Variants in MLF2 observed in about 807,000 individuals in gnomAD.
MLF2 encodes the protein myelodysplasia-myeloid leukemia factor 2.
Under a neutral mutation model 31.4 loss-of-function variants are expected in MLF2, and 12 were observed. The observed-to-expected ratio is 0.38, with a 90% confidence interval of 0.24 to 0.62. MLF2 has a LOEUF of 0.62. Among genes scored for constraint, MLF2 ranks in the 20% least tolerant of loss-of-function variants. MLF2 has a pLI of 0.58. For missense variants in MLF2, 272 were observed against 359.7 expected (o/e 0.76, Z 1.97); for synonymous variants, 109 against 118.8 (o/e 0.92, Z 0.54).
rs2302370 is a variant in MLF2, at chr12:6,750,142, T to C, written c.399+35A>G. The C allele has an allele frequency of 0.38, 616,214 of 1,613,638 alleles. 121,044 individuals are homozygous for C. Among genetic ancestry groups the C allele is most frequent in the African/African-American group, 0.5 (37,273 of 74,948 alleles). ...GGTTTCTGGCGGTGCCGCTCAATCC[T>C]ACCTTCTCTGGGACAGGAGGGCTCC... On this transcript the variant is annotated intron_variant, in intron 6 of 8. Coordinates refer to ENST00000203630, the MANE Select transcript of MLF2 (RefSeq NM_001382226.1). This position sits in a 1 kb window ranked among gnomAD's most constrained non-coding sequence, Gnocchi z 5.3.
chr12:6,748,707 G>T lies in MLF2; in HGVS notation c.*25+63C>A. 1 of 1,302,438 alleles carries T rather than the reference G, an allele frequency of 7.7e-7. No homozygotes were observed. Among genetic ancestry groups the T allele is most frequent in the Non-Finnish European group, 1.0e-6 (1 of 971,898 alleles). 80.7% of individuals were successfully genotyped at this position (1,302,438 alleles called of 1,614,324 possible). A position where few individuals can be genotyped will look rare whatever the true frequency, so the allele number is the denominator to read the frequency against. On this transcript the variant is annotated intron_variant, in intron 8 of 8. Transcript: ENST00000203630. The surrounding 1 kb of genome is among the most constrained non-coding windows in gnomAD (Gnocchi z 4.6). ...CAGCTCCTGCGGGAGCCTGAACTGAGCCTGCCTTGCAGCCGAGGACCGTCC... is the reference window on the plus strand; with the variant it reads ...CAGCTCCTGCGGGAGCCTGAACTGATCCTGCCTTGCAGCCGAGGACCGTCC...
In MLF2 at chr12:6,749,905, G is replaced by C; in HGVS notation, c.502C>G (p.Arg168Gly). ...TCCTGGTCCCCCGTGCGATGGTTTC[G>C]GGAGCGCTGGAGGATGTGAGCCCTG... ...RDRAHILQRSRNHRTGDQEER... is the reference protein window; with the variant it reads ...RDRAHILQRSGNHRTGDQEER... The change falls in exon 7 of 9, where the codon CGA becomes GGA. Residue 168 changes from arginine (R) to glycine (G), a missense_variant. Arg to Gly is a moderately radical substitution (Grantham distance 125, BLOSUM62 -2). Coordinates refer to ENST00000203630, the MANE Select transcript of MLF2 (RefSeq NM_001382226.1). This position sits in a 1 kb window ranked among gnomAD's most constrained non-coding sequence, Gnocchi z 5.3. The C allele has an allele frequency of 1.2e-6, 2 of 1,614,108 alleles. No individual in the cohort carries two copies. The highest frequency in any genetic ancestry group is 1.7e-6 in the Non-Finnish European group (2 of 1,180,018).
In MLF2 at chr12:6,749,044, G is replaced by C. The variant is rs1346308704; in HGVS notation, c.560-62C>G. 4.1e-6 allele frequency: 6 copies of C among 1,462,358 alleles called. No homozygotes were observed. The East Asian group carries it at 1.4e-4, about 35-fold the overall frequency. 90.6% of individuals were successfully genotyped at this position (1,462,358 alleles called of 1,614,324 possible). On this transcript the variant is annotated intron_variant, in intron 7 of 8. Coordinates refer to ENST00000203630, the MANE Select transcript of MLF2 (RefSeq NM_001382226.1). This position sits in a 1 kb window ranked among gnomAD's most constrained non-coding sequence, Gnocchi z 5.3. Reference sequence around the variant, plus strand: ...GCCTGGCTCCTGGAGGCCGATGTGCGAGCGAGCCACAGCTTTTCGGGCCAA... The same window carrying C: ...GCCTGGCTCCTGGAGGCCGATGTGCCAGCGAGCCACAGCTTTTCGGGCCAA...
chr12:6,751,839 G>A, intron 3 of MLF2, 86 bp downstream of exon 3: 2 of 1,584,272 alleles, frequency 1.3e-6, no homozygotes, highest in Non-Finnish European at 1.7e-6. Context: ...CACTTGCTCA[G>A]TTGGCTGTAG....
chr12:6,748,740 C>T lies in MLF2; in HGVS notation c.*25+30G>A. On this transcript the variant is annotated intron_variant, in intron 8 of 8. Transcript: ENST00000203630. The surrounding 1 kb of genome is among the most constrained non-coding windows in gnomAD (Gnocchi z 4.6). ...TGCAGCCGAGGACCGTCCGCAGGTG[C>T]ACCCCACCCTCCTTACTCCTGATAC... 2.1e-6 allele frequency: 3 copies of T among 1,450,278 alleles called. No individual in the cohort carries two copies. The highest frequency in any genetic ancestry group is 2.7e-6 in the Non-Finnish European group (3 of 1,100,368). 89.8% of individuals were successfully genotyped at this position (1,450,278 alleles called of 1,614,324 possible). A position where few individuals can be genotyped will look rare whatever the true frequency, so the allele number is the denominator to read the frequency against.
Position 6,750,746 on chromosome 12 carries a change from CA to C in MLF2, c.236del (p.Met79SerfsTer4), listed in dbSNP as rs775718947. 1 of 1,614,134 alleles carries C rather than the reference CA, an allele frequency of 6.2e-7. No individual in the cohort carries two copies. Among genetic ancestry groups the C allele is most frequent in the Non-Finnish European group, 8.5e-7 (1 of 1,180,006 alleles). The part of the protein sequence containing the change: ...MLGMSGGFMD[M>X]FGMMNDMIGN... ...CAATCATGTCATTCATCATCCCAAA[CA>C]TGTCCATGAAACCACCCGACTGGAG... On this transcript the variant is annotated frameshift_variant, in exon 5 of 9. Coordinates refer to ENST00000203630, the MANE Select transcript of MLF2 (RefSeq NM_001382226.1). LOFTEE classifies it high-confidence loss of function. The surrounding 1 kb of genome is among the most constrained non-coding windows in gnomAD (Gnocchi z 5.3).
At position 6,752,267 on chromosome 12, in the gene MLF2, G is replaced by A. The variant is rs1028856075; in HGVS notation, c.50+18C>T. 3.2e-6 allele frequency: 5 copies of A among 1,559,074 alleles called. No individual in the cohort carries two copies. The African/African-American group carries it at 4.1e-5, about 13-fold the overall frequency. Reference sequence around the variant, plus strand: ...AGAGACCTGGAGTGGGAGAGCTTGAGGGGGAGGGAATACTCACATCAGGAA... The same window carrying A: ...AGAGACCTGGAGTGGGAGAGCTTGAAGGGGAGGGAATACTCACATCAGGAA... On this transcript the variant is annotated intron_variant, in intron 2 of 8. Transcript: ENST00000203630. The surrounding 1 kb of genome is among the most constrained non-coding windows in gnomAD (Gnocchi z 4.6).
At chr12:6,751,748 G>A (rs1455672240) in intron 3 of MLF2, 72 bp from the exon 4 acceptor site, 3 of 1,591,764 alleles carry the variant, frequency 1.9e-6, no homozygotes, top group Non-Finnish European at 2.6e-6. Context: ...CCAGGCCCAT[G>A]GCCTCAATTT....
chr12:6,750,244 G>C lies in MLF2; in HGVS notation c.332C>G (p.Ser111Cys). 6.2e-7 allele frequency: 1 copy of C among 1,614,208 alleles called. No individual in the cohort carries two copies. The highest frequency in any genetic ancestry group is 1.7e-5 in the Admixed American group (1 of 60,024). The change falls in exon 6 of 9, where the codon TCC (serine) becomes TGC (cysteine). Residue 111 changes from serine to cysteine, a missense_variant. Coordinates refer to ENST00000203630, the MANE Select transcript of MLF2 (RefSeq NM_001382226.1). The surrounding 1 kb of genome is among the most constrained non-coding windows in gnomAD (Gnocchi z 5.3). ...TFSSSTVISY[S>C]NTGDGAPKVY... ...CTTGGGGGCACCATCACCCGTATTGGAGTAGGAGATGACAGTGGAAGATGA... is the reference window on the plus strand; with the variant it reads ...CTTGGGGGCACCATCACCCGTATTGCAGTAGGAGATGACAGTGGAAGATGA...
Position 6,750,463 on chromosome 12 carries a change from G to C in MLF2, c.271-158C>G. ...CATCATTACCCTCCCAAATTCCTCT[G>C]AGTCCAACCACGAGCAAGAAGGACC... On this transcript the variant is annotated intron_variant, in intron 5 of 8. Coordinates refer to ENST00000203630, the MANE Select transcript of MLF2 (RefSeq NM_001382226.1). This position sits in a 1 kb window ranked among gnomAD's most constrained non-coding sequence, Gnocchi z 5.3. 1 of 1,063,690 alleles carries C rather than the reference G, an allele frequency of 9.4e-7. No individual in the cohort carries two copies. Among genetic ancestry groups the C allele is most frequent in the Non-Finnish European group, 1.3e-6 (1 of 745,966 alleles). 65.9% of individuals were successfully genotyped at this position (1,063,690 alleles called of 1,614,324 possible).
At position 6,749,887 on chromosome 12, in the gene MLF2, C is replaced by A; in HGVS notation, c.520G>T (p.Asp174Tyr). 2 of 1,614,210 alleles carry A rather than the reference C, an allele frequency of 1.2e-6. No homozygotes were observed. The highest frequency in any genetic ancestry group is 1.7e-6 in the Non-Finnish European group (2 of 1,180,042). The change falls in exon 7 of 9, where the codon GAC becomes TAC. Residue 174 changes from aspartate to tyrosine, a missense_variant. By Grantham distance (160) the Asp-to-Tyr change is radical (BLOSUM62 -3). Coordinates refer to ENST00000203630, the MANE Select transcript of MLF2 (RefSeq NM_001382226.1). This position sits in a 1 kb window ranked among gnomAD's most constrained non-coding sequence, Gnocchi z 5.3. Reference protein sequence around the residue: ...LQRSRNHRTGDQEERQDYINL... With the variant: ...LQRSRNHRTGYQEERQDYINL... ...ATATAGTCCTGCCGCTCCTCCTGGT[C>A]CCCCGTGCGATGGTTTCGGGAGCGC...
rs1416069649 is a variant in MLF2, at chr12:6,753,115, G to C, written c.-205C>G. On this transcript the variant is annotated 5_prime_UTR_variant, in exon 1 of 9. Transcript: ENST00000203630. ...ACGGCCCCCTCGGCCAACGGAGCCC[G>C]AACCTCGGCCAGGCCCGGGCGGAAG... 1 of 393,548 alleles carries C rather than the reference G, an allele frequency of 2.5e-6. No individual in the cohort carries two copies. The highest frequency in any genetic ancestry group is 4.4e-5 in the Admixed American group (1 of 22,544). The allele number at this position is 393,548 out of a possible 1,614,324, so 24.4% of individuals were successfully genotyped here.
Position 6,749,699 on chromosome 12 carries a change from G to T in MLF2, c.559+149C>A, listed in dbSNP as rs1592483613. On this transcript the variant is annotated intron_variant, in intron 7 of 8. Transcript: ENST00000203630. The surrounding 1 kb of genome is among the most constrained non-coding windows in gnomAD (Gnocchi z 5.3). ...CACTGCACTCCAGCCTGGGCACCTG[G>T]GCAACAAGAGCGAGACTCCATCTCA... 2 of 1,116,538 alleles carry T rather than the reference G, an allele frequency of 1.8e-6. No individual in the cohort carries two copies. Among genetic ancestry groups the T allele is most frequent in the East Asian group, 2.4e-5 (1 of 41,298 alleles). 69.2% of individuals were successfully genotyped at this position (1,116,538 alleles called of 1,614,324 possible). A position where few individuals can be genotyped will look rare whatever the true frequency, so the allele number is the denominator to read the frequency against.
Position 6,748,859 on chromosome 12 carries a change from G to A in MLF2, c.683C>T (p.Pro228Leu), listed in dbSNP as rs1334812310. 1.3e-6 allele frequency: 2 copies of A among 1,589,066 alleles called. No individual in the cohort carries two copies. The highest frequency in any genetic ancestry group is 4.6e-5 in the East Asian group (2 of 43,120). Residue 228 changes from proline (P) to leucine (L), a missense_variant, in exon 8 of 9, where the codon CCC becomes CTC. By Grantham distance (98) the Pro-to-Leu change is moderately conservative. Coordinates refer to ENST00000203630, the MANE Select transcript of MLF2 (RefSeq NM_001382226.1). This position sits in a 1 kb window ranked among gnomAD's most constrained non-coding sequence, Gnocchi z 4.6. ...GAGGRRAEGP[P>L]RLAIQGPEDS... is the part of the protein sequence containing the mutation. ...CTCAGGTCCCTGGATGGCCAGGCGG[G>A]GAGGCCCCTCCGCCCTTCGTCCCCC...
rs913391300 is a variant in MLF2, at chr12:6,750,817, G to T, written c.217-51C>A. 2 of 1,565,022 alleles carry T rather than the reference G, an allele frequency of 1.3e-6. No individual in the cohort carries two copies. Among genetic ancestry groups the T allele is most frequent in the African/African-American group, 2.7e-5 (2 of 73,896 alleles). The stretch of plus-strand genomic sequence containing the variant: ...GTCAGGAAAGCAAAGTCAGTGTTCA[G>T]AGTTGATCCTGTTTAGGAACCCACA... On this transcript the variant is annotated intron_variant, in intron 4 of 8. Transcript: ENST00000203630. This position sits in a 1 kb window ranked among gnomAD's most constrained non-coding sequence, Gnocchi z 5.3.
Position 6,749,607 on chromosome 12 carries a change from C to T in MLF2, c.559+241G>A, listed in dbSNP as rs1018220396. Among the ~76,000 whole-genome samples, 4 of 151,988 alleles carry T rather than the reference C, an allele frequency of 2.6e-5. No homozygotes were observed. Among genetic ancestry groups the T allele is most frequent in the East Asian group, 1.9e-4 (1 of 5,182 alleles). On this transcript the variant is annotated intron_variant, in intron 7 of 8. Coordinates refer to ENST00000203630, the MANE Select transcript of MLF2 (RefSeq NM_001382226.1). The surrounding 1 kb of genome is among the most constrained non-coding windows in gnomAD (Gnocchi z 5.3). ...GCACATGCCTGTAGTTCCAGCTACA[C>T]GGGAGGCTGAGGCAGGAGAATTGCT...
rs1431719348 is a variant in MLF2, at chr12:6,752,080, T to C, written c.51-26A>G. Reference sequence around the variant, plus strand: ...CTGTGGAGTGAGCACATAGTATGGATGGCAGAAGCGCCAAACTGTCAATCC... The same window carrying C: ...CTGTGGAGTGAGCACATAGTATGGACGGCAGAAGCGCCAAACTGTCAATCC... On this transcript the variant is annotated intron_variant, in intron 2 of 8. Transcript: ENST00000203630. This position sits in a 1 kb window ranked among gnomAD's most constrained non-coding sequence, Gnocchi z 4.6. The C allele has an allele frequency of 3.1e-6, 5 of 1,613,636 alleles. No individual in the cohort carries two copies. In the Admixed American group the frequency reaches 6.7e-5, roughly 22 times the overall value.
At position 6,752,133 on chromosome 12, in the gene MLF2, C is replaced by G; in HGVS notation, c.51-79G>C. 2 of 1,596,658 alleles carry G rather than the reference C, an allele frequency of 1.3e-6. No individual in the cohort carries two copies. Among genetic ancestry groups the G allele is most frequent in the East Asian group, 4.5e-5 (2 of 44,540 alleles). On this transcript the variant is annotated intron_variant, in intron 2 of 8. Coordinates refer to ENST00000203630, the MANE Select transcript of MLF2 (RefSeq NM_001382226.1). The surrounding 1 kb of genome is among the most constrained non-coding windows in gnomAD (Gnocchi z 4.6). ...CCACCACCCTGCAAAAAAATACGCA[C>G]AGAGCAACAGTGGCACCGATGCCTA...
Position 6,750,762 on chromosome 12 carries a change from C to G in MLF2, c.221G>C (p.Gly74Ala), listed in dbSNP as rs759651918. The G allele has an allele frequency of 7.4e-6, 12 of 1,613,978 alleles. No individual in the cohort carries two copies. Among genetic ancestry groups the G allele is most frequent in the African/African-American group, 1.3e-5 (1 of 75,020 alleles). Residue 74 changes from glycine to alanine, a missense_variant, in exon 5 of 9, where the codon GGT (glycine) becomes GCT (alanine). By Grantham distance (60) the Gly-to-Ala change is moderately conservative. Coordinates refer to ENST00000203630, the MANE Select transcript of MLF2 (RefSeq NM_001382226.1). The surrounding 1 kb of genome is among the most constrained non-coding windows in gnomAD (Gnocchi z 5.3). ...VSPFGMLGMS[G>A]GFMDMFGMMN... ...CATCCCAAACATGTCCATGAAACCA[C>G]CCGACTGGAGGAAAGAGATGGAAAA...
Sources: allele counts gnomAD v4.1 joint callset (sites outside exome capture counted in the v4.1 genomes callset), GRCh38; gene constraint gnomAD v4.1.1; non-coding constraint Gnocchi (gnomAD v3.1); transcripts MANE v1.5; gene names NCBI Gene and HGNC (gene_info 2026-07-23, HGNC 2026-07-21).